The following KCNQ3 variants were observed in gnomAD, a reference collection of about 807,000 sequenced individuals.
The protein encoded by KCNQ3 is potassium voltage-gated channel subfamily Q member 3.
In KCNQ3, 30 loss-of-function variants were observed where a neutral mutation model predicts 92.5. The ratio of observed to expected loss-of-function variants is 0.32; its 90% CI spans 0.24 to 0.44. The LOEUF (loss-of-function observed/expected upper bound fraction) is 0.44. KCNQ3 is among the 20% of genes least tolerant of loss of function. The pLI, the probability that KCNQ3 is intolerant of heterozygous loss-of-function variation, is 1.00. For missense variants in KCNQ3, 913 were observed against 1,140.3 expected (o/e 0.80, Z 2.87); for synonymous variants, 450 against 468.8 (o/e 0.96, Z 0.52).
At position 132,121,679 on chromosome 8, in the gene KCNQ3, T is replaced by G. The variant is rs1265885356; in HGVS notation, c.*7583A>C. ...CCTCCCACAGAATGTTTTTATAGAC[T>G]CACCTGTTTCTGCAGAATTTCAGAG... On this transcript the variant is annotated 3_prime_UTR_variant, in exon 15 of 15. Transcript: ENST00000388996. The G allele has an allele frequency of 6.6e-6, 1 of 152,152 alleles. No homozygotes were observed. Among genetic ancestry groups the G allele is most frequent in the Non-Finnish European group, 1.5e-5 (1 of 68,030 alleles). The allele number at this position is 152,152 out of a possible 1,614,324, so 9.4% of individuals were successfully genotyped here. A position where few individuals can be genotyped will look rare whatever the true frequency, so the allele number is the denominator to read the frequency against.
intron 1 of KCNQ3, among the ~76,000 whole-genome samples, chr8:132,310,863 G>A (rs981595995): frequency 6.6e-6 from 1 of 152,002 alleles, no homozygotes; most frequent in East Asian, 1.9e-4. Flanking sequence ...ATGGGTTTGA[G>A]GAAAAATACT....
intron 2 of KCNQ3, among the ~76,000 whole-genome samples, chr8:132,185,210 C>T (rs1826923204): frequency 6.6e-6 from 1 of 152,244 alleles, no homozygotes; most frequent in Non-Finnish European, 1.5e-5. Context: ...AGAGCTGACT[C>T]TGGTGCCTCG....
intron 1 of KCNQ3, among the ~76,000 whole-genome samples, chr8:132,258,931 A>C (rs1200332847): frequency 2.0e-5 from 3 of 152,114 alleles, no homozygotes; most frequent in Non-Finnish European, 4.4e-5. Flanking sequence ...CTAGGAAGAC[A>C]CAAAGTATTA....
chr8:132,451,073 C>T (rs1821807533), intron 1 of KCNQ3, among the ~76,000 whole-genome samples: 1 of 152,174 alleles, frequency 6.6e-6, no homozygotes, highest in African/African-American at 2.4e-5. Flanking sequence ...TAATAATCCC[C>T]ATGTTCCATG....
chr8:132,241,723 A>G (rs1183661289), intron 1 of KCNQ3, among the ~76,000 whole-genome samples: 1 of 152,028 alleles, frequency 6.6e-6, no homozygotes, highest in Non-Finnish European at 1.5e-5. Context: ...AATCCTAGCT[A>G]CTCAGGAGGC....
intron 1 of KCNQ3, among the ~76,000 whole-genome samples, chr8:132,329,985 G>A (rs142033381): frequency 2.2e-3 from 332 of 152,296 alleles, no homozygotes; most frequent in African/African-American, 7.5e-3. Context: ...GCCTGTGAAC[G>A]AGATCTTATT....
intron 1 of KCNQ3, among the ~76,000 whole-genome samples, chr8:132,469,932 T>C (rs1156644177): frequency 6.6e-6 from 1 of 151,968 alleles, no homozygotes. Context: ...CTTCGTCTCA[T>C]CCCTGGCTGC....
At chr8:132,433,946 T>C (rs969657436) in intron 1 of KCNQ3, among the ~76,000 whole-genome samples, 7 of 151,294 alleles carry the variant, frequency 4.6e-5, no homozygotes, top group African/African-American at 9.7e-5. Flanking sequence ...CGGTGGCTCA[T>C]GCCTGTAATC....
intron 1 of KCNQ3, among the ~76,000 whole-genome samples, chr8:132,475,824 T>C (rs1822396917): frequency 1.3e-5 from 2 of 151,654 alleles, no homozygotes; most frequent in Non-Finnish European, 2.9e-5. Context: ...TAATGAGGAG[T>C]TGAATGTTAA....
intron 1 of KCNQ3, among the ~76,000 whole-genome samples, chr8:132,344,934 C>G (rs904341038): frequency 6.6e-6 from 1 of 151,982 alleles, no homozygotes; most frequent in Admixed American, 6.6e-5. Context: ...GTGAAGTAAC[C>G]CAAAGGAGAG....
At chr8:132,477,715 C>T (rs1822447688) in intron 1 of KCNQ3, among the ~76,000 whole-genome samples, 1 of 152,196 alleles carries the variant, frequency 6.6e-6, no homozygotes, top group Non-Finnish European at 1.5e-5. Flanking sequence ...TTCTGACCAG[C>T]CCCCAACTTG....
At chr8:132,408,842 G>T (rs567576733) in intron 1 of KCNQ3, among the ~76,000 whole-genome samples, 8 of 152,192 alleles carry the variant, frequency 5.3e-5, no homozygotes, top group Admixed American at 1.3e-4. Context: ...ACAAGGCCTC[G>T]GTCCTACAAC....
At chr8:132,269,626 C>T (rs1816091962) in intron 1 of KCNQ3, among the ~76,000 whole-genome samples, 1 of 150,784 alleles carries the variant, frequency 6.6e-6, no homozygotes, top group South Asian at 2.2e-4. Flanking sequence ...CAACCGAGCC[C>T]CCTATTGCCA....
At chr8:132,202,536 T>C (rs1827494583) in intron 1 of KCNQ3, among the ~76,000 whole-genome samples, 1 of 152,192 alleles carries the variant, frequency 6.6e-6, no homozygotes, top group Admixed American at 6.5e-5. Flanking sequence ...CGCAGCACCT[T>C]GAGTGCTTTG....
At chr8:132,462,201 A>ATTTATTTAT (rs1262769403) in intron 1 of KCNQ3, among the ~76,000 whole-genome samples, 2 of 136,168 alleles carry the variant, frequency 1.5e-5, no homozygotes, top group African/African-American at 5.5e-5. Flanking sequence ...TTATTTATTT[A>ATTTATTTAT]TTTATTTTAT....
intron 1 of KCNQ3, among the ~76,000 whole-genome samples, chr8:132,251,411 C>G (rs1815404800): frequency 6.6e-6 from 1 of 152,220 alleles, no homozygotes; most frequent in Non-Finnish European, 1.5e-5. Context: ...GTTGAAGATG[C>G]TGTGGAAGAT....
intron 1 of KCNQ3, among the ~76,000 whole-genome samples, 197 bp downstream of exon 1, chr8:132,479,948 CAA>C (rs1491500232): frequency 1.1e-5 from 1 of 91,324 alleles, no homozygotes; most frequent in African/African-American, 4.3e-5. Flanking sequence ...CGGAGAGCGG[CAA>C]CACACACACA....
intron 8 of KCNQ3, among the ~76,000 whole-genome samples, chr8:132,164,153 C>T (rs1826072076): frequency 6.6e-6 from 1 of 152,036 alleles, no homozygotes. Context: ...CTCCTTCTGC[C>T]TGGAACTCCC....
intron 1 of KCNQ3, among the ~76,000 whole-genome samples, chr8:132,225,966 C>A (rs936133040): frequency 6.6e-6 from 1 of 152,084 alleles, no homozygotes; most frequent in Non-Finnish European, 1.5e-5. Context: ...CATTCTTATT[C>A]TAAAAATATT....
Sources: allele counts gnomAD v4.1 joint callset (sites outside exome capture counted in the v4.1 genomes callset), GRCh38; gene constraint gnomAD v4.1.1; transcripts MANE v1.5; gene names NCBI Gene and HGNC (gene_info 2026-07-23, HGNC 2026-07-21).